The following NFIX variants were observed in gnomAD, a reference collection of about 807,000 sequenced individuals.
NFIX encodes the protein nuclear factor I X, also known as nuclear factor 1 X-type.
NFIX carries 2 observed loss-of-function variants against 53.3 expected under a neutral mutation model. The ratio of observed to expected loss-of-function variants is 0.04; its 90% CI spans 0.02 to 0.12. NFIX has a LOEUF of 0.12. NFIX is among the 10% of genes least tolerant of loss of function. NFIX has a pLI of 1.00. For missense variants in NFIX, 310 were observed against 674.5 expected (o/e 0.46, Z 5.99); for synonymous variants, 244 against 289.0 (o/e 0.84, Z 1.58).
chr19:13,020,778 A>G (rs796112954), intron 1 of NFIX, among the ~76,000 whole-genome samples: 2 of 151,578 alleles, frequency 1.3e-5, no homozygotes, highest in African/African-American at 4.8e-5. Context: ...TTGACCCCCA[A>G]CCCCTCTCCA....
rs553290857 is a variant in NFIX, at chr19:13,001,372, C to G, written c.27+5508C>G. On this transcript the variant is annotated intron_variant, in intron 1 of 10. Transcript: ENST00000592199. The surrounding 1 kb of genome is among the most constrained non-coding windows in gnomAD (Gnocchi z 6.5). ...TGTGACTCCACGGATCATCGCACGC[C>G]CTGTCTCTTGTGTATTTGGTAGTGG... is the stretch of plus-strand genomic sequence containing the variant. Among the ~76,000 whole-genome samples the G allele has an allele frequency of 6.6e-6, 1 of 152,178 alleles. No homozygotes were observed. The highest frequency in any genetic ancestry group is 1.9e-4 in the East Asian group (1 of 5,164).
Position 13,052,744 on chromosome 19 carries a change from C to T in NFIX, c.560-20303C>T, listed in dbSNP as rs754420600. Among the ~76,000 whole-genome samples, 7 of 123,542 alleles carry T rather than the reference C, an allele frequency of 5.7e-5. No homozygotes were observed. The highest frequency in any genetic ancestry group is 8.7e-5 in the African/African-American group (2 of 22,994). The allele number at this position is 123,542 out of a possible 152,430, so 81.0% of individuals were successfully genotyped here. ...GGCTGTGCTTCTGTGCTTCTTGGAA[C>T]GGCTCGGCTCCAGGGCCGTGAGGTT... On this transcript the variant is annotated intron_variant, in intron 2 of 10. Transcript: ENST00000592199. This position sits in a 1 kb window ranked among gnomAD's most constrained non-coding sequence, Gnocchi z 5.2.
intron 1 of NFIX, among the ~76,000 whole-genome samples, chr19:13,023,365 G>A (rs968278923): frequency 7.0e-6 from 1 of 143,312 alleles, no homozygotes; most frequent in Non-Finnish European, 1.5e-5. Context: ...TTTTGCACGC[G>A]TCTGCCAGCA....
intron 2 of NFIX, among the ~76,000 whole-genome samples, chr19:13,033,155 G>A (rs550332834): frequency 6.6e-6 from 1 of 152,300 alleles, no homozygotes; most frequent in African/African-American, 2.4e-5. Flanking sequence ...GTGGAAAACA[G>A]CACGACAAAC....
rs1029694978 is a variant in NFIX at position 13,040,054 on chromosome 19, G to C, written c.559+14502G>C. On this transcript the variant is annotated intron_variant, in intron 2 of 10. Transcript: ENST00000592199. This position sits in a 1 kb window ranked among gnomAD's most constrained non-coding sequence, Gnocchi z 4.2. Reference sequence around the variant, plus strand: ...GCTTCCAGAATGCTGGAAGGAGTGTGGCAGGCAAGTGAGAAGCTGTGGGTT... The same window carrying C: ...GCTTCCAGAATGCTGGAAGGAGTGTCGCAGGCAAGTGAGAAGCTGTGGGTT... Among the ~76,000 whole-genome samples the C allele has an allele frequency of 2.0e-5, 3 of 152,158 alleles. No homozygotes were observed. The highest frequency in any genetic ancestry group is 4.4e-5 in the Non-Finnish European group (3 of 68,026).
intron 2 of NFIX, among the ~76,000 whole-genome samples, chr19:13,055,485 C>T (rs2015610064): frequency 6.6e-6 from 1 of 152,232 alleles, no homozygotes; most frequent in African/African-American, 2.4e-5. Flanking sequence ...GCCGGCCGCA[C>T]TCCCGCCAGT....
Position 13,097,946 on chromosome 19 carries a change from C to G in NFIX, c.*3297C>G, listed in dbSNP as rs1422287032. ...GCTGACAGGTCGATTTGCCCAGGCCCGCGCCCGCACGCACGCACGCACACG... is the reference window on the plus strand; with the variant it reads ...GCTGACAGGTCGATTTGCCCAGGCCGGCGCCCGCACGCACGCACGCACACG... On this transcript the variant is annotated 3_prime_UTR_variant, in exon 11 of 11. Transcript: ENST00000592199. 6.5e-6 allele frequency: 1 copy of G among 154,704 alleles called. No individual in the cohort carries two copies. The allele number at this position is 154,704 out of a possible 1,614,324, so 9.6% of individuals were successfully genotyped here. A position where few individuals can be genotyped will look rare whatever the true frequency, so the allele number is the denominator to read the frequency against.
Position 13,090,284 on chromosome 19 carries a change from C to T in NFIX, c.1403-15C>T, listed in dbSNP as rs1057523649. The T allele has an allele frequency of 9.9e-6, 16 of 1,613,634 alleles. No homozygotes were observed. The highest frequency in any genetic ancestry group is 1.4e-5 in the Non-Finnish European group (16 of 1,179,618). ...GCCTGACAGGGTCTCTCCCTCTCTCCCCTGCTCCCCACAGCATTCGCAACG... is the reference window on the plus strand; with the variant it reads ...GCCTGACAGGGTCTCTCCCTCTCTCTCCTGCTCCCCACAGCATTCGCAACG... On this transcript the variant is annotated splice_polypyrimidine_tract_variant and intron_variant, in intron 9 of 10. Coordinates refer to ENST00000592199, the MANE Select transcript of NFIX (RefSeq NM_001365902.3). This position sits in a 1 kb window ranked among gnomAD's most constrained non-coding sequence, Gnocchi z 6.6.
At position 12,996,699 on chromosome 19, in the gene NFIX, AGGCGGGAGG is replaced by A. The variant is rs1306979156; in HGVS notation, c.27+845_27+853del. Among the ~76,000 whole-genome samples the A allele has an allele frequency of 6.6e-6, 1 of 152,022 alleles. No homozygotes were observed. The highest frequency in any genetic ancestry group is 1.5e-5 in the Non-Finnish European group (1 of 67,994). On this transcript the variant is annotated intron_variant, in intron 1 of 10. Transcript: ENST00000592199. This position sits in a 1 kb window ranked among gnomAD's most constrained non-coding sequence, Gnocchi z 5.2. ...TGGGGAATCCCGTCCCGTCGCCTGG[AGGCGGGAGG>A]GGCGGGAGGCAGCCGTGGACACAGC...
rs2011531858 is a variant in NFIX, at chr19:12,998,051, C to CT, written c.27+2188dup. On this transcript the variant is annotated intron_variant, in intron 1 of 10. Coordinates refer to ENST00000592199, the MANE Select transcript of NFIX (RefSeq NM_001365902.3). The surrounding 1 kb of genome is among the most constrained non-coding windows in gnomAD (Gnocchi z 4.4). ...CTGCCCCTCCCTAACAATCACATCT[C>CT]TGTTTTTACAAATCTTTCTGCTTCC... Among the ~76,000 whole-genome samples the CT allele has an allele frequency of 6.6e-6, 1 of 152,174 alleles. No individual in the cohort carries two copies. The highest frequency in any genetic ancestry group is 1.5e-5 in the Non-Finnish European group (1 of 68,030).
At chr19:13,059,268 TG>T (rs746851944) in intron 2 of NFIX, among the ~76,000 whole-genome samples, 9 of 152,240 alleles carry the variant, frequency 5.9e-5, no homozygotes, top group Non-Finnish European at 1.3e-4. Flanking sequence ...CAGCCGCTGC[TG>T]CTCCCTGTGG....
At position 12,999,246 on chromosome 19, in the gene NFIX, T is replaced by C. The variant is rs190706103; in HGVS notation, c.27+3382T>C. ...TGGAGTGCAGTGGCGTGATCTCGGC[T>C]CACTGTAACCTCTGCCTCCCGGGTT... is the stretch of plus-strand genomic sequence containing the variant. On this transcript the variant is annotated intron_variant, in intron 1 of 10. Coordinates refer to ENST00000592199, the MANE Select transcript of NFIX (RefSeq NM_001365902.3). Among the ~76,000 whole-genome samples, 3 of 151,716 alleles carry C rather than the reference T, an allele frequency of 2.0e-5. No individual in the cohort carries two copies. In the East Asian group the frequency reaches 5.8e-4, roughly 29 times the overall value.
At chr19:13,017,681 G>A (rs2012741452) in intron 1 of NFIX, among the ~76,000 whole-genome samples, 1 of 152,202 alleles carries the variant, frequency 6.6e-6, no homozygotes, top group East Asian at 1.9e-4. Context: ...TGGTGCCTGG[G>A]GTGAGTTTTC....
intron 8 of NFIX, among the ~76,000 whole-genome samples, chr19:13,083,914 C>T (rs762666759): frequency 3.3e-5 from 5 of 152,228 alleles, no homozygotes; most frequent in Non-Finnish European, 7.3e-5. Context: ...GCTGTGCTTG[C>T]ACTACAGCCA....
rs974098058 is a variant in NFIX, at chr19:13,068,613, G to C, written c.560-4434G>C. On this transcript the variant is annotated intron_variant, in intron 2 of 10. Coordinates refer to ENST00000592199, the MANE Select transcript of NFIX (RefSeq NM_001365902.3). The surrounding 1 kb of genome is among the most constrained non-coding windows in gnomAD (Gnocchi z 4.2). The stretch of plus-strand genomic sequence containing the variant: ...AGCTGTTGTTGCTGTGGAATGACCA[G>C]TGGTGTGCAGATGAATACAGAGTGG... 3.9e-5 allele frequency among the ~76,000 whole-genome samples: 6 copies of C among 152,258 alleles called. No individual in the cohort carries two copies. Among genetic ancestry groups the C allele is most frequent in the African/African-American group, 1.4e-4 (6 of 41,466 alleles).
At chr19:13,016,823 T>C (rs2012696501) in intron 1 of NFIX, among the ~76,000 whole-genome samples, 1 of 152,158 alleles carries the variant, frequency 6.6e-6, no homozygotes, top group Admixed American at 6.5e-5. Context: ...CGGCAGCCCT[T>C]GCCGGGCTCC....
intron 1 of NFIX, among the ~76,000 whole-genome samples, chr19:12,999,297 C>T (rs1407127965): frequency 1.3e-5 from 2 of 151,848 alleles, no homozygotes; most frequent in South Asian, 2.1e-4. Context: ...CTCAGCTTCC[C>T]GAGTAGCTGG....
intron 2 of NFIX, among the ~76,000 whole-genome samples, chr19:13,053,158 T>C (rs1233509634): frequency 6.6e-6 from 1 of 152,218 alleles, no homozygotes; most frequent in East Asian, 1.9e-4. Flanking sequence ...TGACAGTGTT[T>C]TGTGGGGGTC....
chr19:13,035,073 T>C (rs2014088509), intron 2 of NFIX, among the ~76,000 whole-genome samples: 1 of 152,196 alleles, frequency 6.6e-6, no homozygotes, highest in African/African-American at 2.4e-5. Context: ...TCTCCAGACA[T>C]TTCTAAGAGT....
Sources: allele counts gnomAD v4.1 joint callset (sites outside exome capture counted in the v4.1 genomes callset), GRCh38; gene constraint gnomAD v4.1.1; non-coding constraint Gnocchi (gnomAD v3.1); transcripts MANE v1.5; gene names NCBI Gene and HGNC (gene_info 2026-07-23, HGNC 2026-07-21).